Variants in MAN1B1 observed in about 807,000 individuals in gnomAD.
MAN1B1 encodes the protein endoplasmic reticulum mannosyl-oligosaccharide 1,2-alpha-mannosidase.
Under a neutral mutation model 75.5 loss-of-function variants are expected in MAN1B1, and 66 were observed. That is an observed-to-expected ratio of 0.87 (90% CI 0.72 to 1.07). MAN1B1 has a LOEUF of 1.07. Ranked by LOEUF, MAN1B1 falls within the 50% of genes least tolerant of loss-of-function variation. The pLI is 0.00. For synonymous variants in MAN1B1, 453 were observed against 382.8 expected (o/e 1.18, Z -2.14); for missense variants, 973 against 912.5 (o/e 1.07, Z -0.85).
chr9:137,088,953 C>T lies in MAN1B1; in HGVS notation c.413C>T (p.Ala138Val). The T allele has an allele frequency of 1.9e-6, 3 of 1,614,004 alleles. No homozygotes were observed. The highest frequency in any genetic ancestry group is 2.5e-6 in the Non-Finnish European group (3 of 1,180,004). Reference sequence around the variant, plus strand: ...CCAGCAAATCCACCCGTCTTACCAGCTCCTCAGAAGGCGGACACCGACCCT... The same window carrying T: ...CCAGCAAATCCACCCGTCTTACCAGTTCCTCAGAAGGCGGACACCGACCCT... ...LKPANPPVLP[A>V]PQKADTDPEN... Residue 138 changes from alanine (A) to valine (V), a missense_variant, in exon 3 of 13, where the codon GCT (alanine) becomes GTT (valine). Transcript: ENST00000371589.
intron 10 of MAN1B1, 59 bp from the exon 11 acceptor site, chr9:137,107,191 C>T (rs2131130884): frequency 6.4e-7 from 1 of 1,567,876 alleles, no homozygotes; most frequent in Admixed American, 1.7e-5. Context: ...GCTGCCCGTG[C>T]AGCTGCAGGC....
rs768658442 is a variant in MAN1B1, at chr9:137,108,555, C to T, written c.2064C>T (p.Thr688=). 7.6e-5 allele frequency: 123 copies of T among 1,613,770 alleles called. No homozygotes were observed. The highest frequency in any genetic ancestry group is 1.1e-4 in the East Asian group (5 of 44,892). The change falls in exon 13 of 13, where the codon ACC becomes ACT. Residue 688 remains threonine, a synonymous_variant. Transcript: ENST00000371589. ...GCCTGGATGCCTACGTGTTCAACAC[C>T]GAAGCCCACCCTCTGCCTATCTGGA... The part of the protein sequence containing the change: ...LLSLDAYVFN[T]EAHPLPIWTP...
intron 2 of MAN1B1, chr9:137,088,418 G>A (rs1184182871): frequency 3.6e-5 from 56 of 1,561,230 alleles, no homozygotes; most frequent in Non-Finnish European, 4.8e-5. Flanking sequence ...GATATGTCCA[G>A]CCTCCCTTAT....
intron 3 of MAN1B1, among the ~76,000 whole-genome samples, chr9:137,094,618 C>T (rs1042068031): frequency 9.9e-5 from 15 of 151,622 alleles, no homozygotes; most frequent in African/African-American, 3.4e-4. Context: ...GTGGCTCATG[C>T]CTGTAATCCC....
In MAN1B1 at chr9:137,107,729, C is replaced by T. The variant is rs1336048190; in HGVS notation, c.1896+67C>T. 6.2e-6 allele frequency: 10 copies of T among 1,607,140 alleles called. No individual in the cohort carries two copies. The Admixed American group carries it at 1.5e-4, about 24-fold the overall frequency. On this transcript the variant is annotated intron_variant, in intron 12 of 12. Coordinates refer to ENST00000371589, the MANE Select transcript of MAN1B1 (RefSeq NM_016219.5). Reference sequence around the variant, plus strand: ...CCACAGGCACGGCTGGGCTGTGGGGCTCAGGCTGGCTCCGCTCTTGGTGGT... The same window carrying T: ...CCACAGGCACGGCTGGGCTGTGGGGTTCAGGCTGGCTCCGCTCTTGGTGGT...
chr9:137,087,506 C>T, intron 1 of MAN1B1: 1 of 635,500 alleles, frequency 1.6e-6, no homozygotes, highest in Non-Finnish European at 2.9e-6. Flanking sequence ...AGGTCCTGGC[C>T]CAGGCGCCTG....
intron 6 of MAN1B1, 41 bp from the exon 7 acceptor site, chr9:137,100,964 C>G (rs1418673944): frequency 6.2e-7 from 1 of 1,611,786 alleles, no homozygotes; most frequent in South Asian, 1.1e-5. Flanking sequence ...ACGTTGGAGC[C>G]ATCCATTTGT....
chr9:137,094,173 C>T (rs1374789545), intron 3 of MAN1B1, among the ~76,000 whole-genome samples: 1 of 151,732 alleles, frequency 6.6e-6, no homozygotes, highest in Non-Finnish European at 1.5e-5. Context: ...TGCCACCACG[C>T]CCGGCTAACT....
At chr9:137,106,514 G>C (rs954060061) in intron 9 of MAN1B1, 175 bp from the exon 10 acceptor site, 8 of 1,097,252 alleles carry the variant, frequency 7.3e-6, no homozygotes, top group Non-Finnish European at 9.3e-6. Context: ...GTGGCCTCTG[G>C]GGGGGTGAGG....
chr9:137,108,960 C>T lies in MAN1B1; in HGVS notation c.*369C>T, dbSNP rs1251626424. 6.3e-6 allele frequency: 3 copies of T among 473,438 alleles called. No homozygotes were observed. The highest frequency in any genetic ancestry group is 5.9e-5 in the African/African-American group (3 of 50,718). The allele number at this position is 473,438 out of a possible 1,614,324, so 29.3% of individuals were successfully genotyped here. A position where few individuals can be genotyped will look rare whatever the true frequency, so the allele number is the denominator to read the frequency against. ...AGCCCAGGGTGCAGCTCTGCCCGGG[C>T]TCGTGAAGCCTCAGATGTCCCCAAT... On this transcript the variant is annotated 3_prime_UTR_variant, in exon 13 of 13. Transcript: ENST00000371589.
At chr9:137,091,537 T>A (rs1419612409) in intron 3 of MAN1B1, among the ~76,000 whole-genome samples, 22 of 147,784 alleles carry the variant, frequency 1.5e-4, no homozygotes, top group African/African-American at 5.2e-4. Context: ...TTTTTTTTTT[T>A]TTTTTTTGAG....
chr9:137,107,210 G>A (rs755426016), intron 10 of MAN1B1, 40 bp from the exon 11 acceptor site: 51 of 1,601,560 alleles, frequency 3.2e-5, no homozygotes, highest in African/African-American at 4.0e-5. Flanking sequence ...GCTGAGGGCA[G>A]GGCCTGGGAT....
At position 137,095,275 on chromosome 9, in the gene MAN1B1, G is replaced by A. The variant is rs572094132; in HGVS notation, c.466-962G>A. On this transcript the variant is annotated intron_variant, in intron 3 of 12. Coordinates refer to ENST00000371589, the MANE Select transcript of MAN1B1 (RefSeq NM_016219.5). ...TCACCATGTTGCCCAGGTTGGTCTTGAACTCCTGACCTCAGGTGATCCACC... is the reference window on the plus strand; with the variant it reads ...TCACCATGTTGCCCAGGTTGGTCTTAAACTCCTGACCTCAGGTGATCCACC... 7.3e-5 allele frequency among the ~76,000 whole-genome samples: 11 copies of A among 151,438 alleles called. No homozygotes were observed. In the South Asian group the frequency reaches 2.3e-3, roughly 32 times the overall value.
chr9:137,105,571 C>G (rs1831064712), intron 8 of MAN1B1: 2 of 289,104 alleles, frequency 6.9e-6, no homozygotes, highest in East Asian at 1.2e-4. Context: ...TGGGCGTGCC[C>G]TAACATCCCG....
intron 6 of MAN1B1, 118 bp downstream of exon 6, chr9:137,099,999 CTTCTCCT>C: frequency 8.0e-7 from 1 of 1,244,980 alleles, no homozygotes. Context: ...TGGGTTTTCC[CTTCTCCT>C]GGGTGCGGGA....
intron 8 of MAN1B1, chr9:137,103,805 A>G (rs901579286): frequency 4.5e-6 from 2 of 448,338 alleles, no homozygotes; most frequent in Non-Finnish European, 8.9e-6. Flanking sequence ...TGTTACACAC[A>G]TTCACACTGT....
At chr9:137,093,748 G>A (rs564884731) in intron 3 of MAN1B1, among the ~76,000 whole-genome samples, 163 of 151,672 alleles carry the variant, frequency 1.1e-3, no homozygotes, top group Middle Eastern at 0.01. Flanking sequence ...GCAGGAGAAT[G>A]GCGTGAACCT....
Position 137,107,528 on chromosome 9 carries a change from C to G in MAN1B1, c.1765-3C>G, listed in dbSNP as rs1221312624. On this transcript the variant is annotated splice_region_variant and splice_polypyrimidine_tract_variant and intron_variant, in intron 11 of 12. Transcript: ENST00000371589. The stretch of plus-strand genomic sequence containing the variant: ...CTTGCCCTGAGCTCTGCTCCGCCCA[C>G]AGCCAGCAGACAGGCACAACCTGCT... 1 of 1,612,968 alleles carries G rather than the reference C, an allele frequency of 6.2e-7. No homozygotes were observed. The highest frequency in any genetic ancestry group is 8.5e-7 in the Non-Finnish European group (1 of 1,179,990).
rs962325520 is a variant in MAN1B1 at position 137,106,192 on chromosome 9, T to C, written c.1322T>C (p.Met441Thr). Residue 441 changes from methionine (M) to threonine (T), a missense_variant, in exon 9 of 13, where the codon ATG (methionine) becomes ACG (threonine). By Grantham distance (81) the Met-to-Thr change is moderately conservative. Coordinates refer to ENST00000371589, the MANE Select transcript of MAN1B1 (RefSeq NM_016219.5). ...LSGKKDGLVP[M>T]FINTHSGLFT... ...GGGAAGAAGGATGGGCTGGTGCCCA[T>C]GTTCATCAATACCCACAGTGGCCTC... The C allele has an allele frequency of 6.2e-7, 1 of 1,612,306 alleles. No homozygotes were observed. The highest frequency in any genetic ancestry group is 8.5e-7 in the Non-Finnish European group (1 of 1,179,730).
Sources: allele counts gnomAD v4.1 joint callset (sites outside exome capture counted in the v4.1 genomes callset), GRCh38; gene constraint gnomAD v4.1.1; transcripts MANE v1.5; gene names NCBI Gene and HGNC (gene_info 2026-07-23, HGNC 2026-07-21).